CDKL4: variants seen among roughly 807,000 people sequenced by gnomAD.
The protein encoded by CDKL4 is cyclin-dependent kinase-like 4.
In CDKL4, 44 loss-of-function variants were observed where a neutral mutation model predicts 42.0. That is an observed-to-expected ratio of 1.05 (90% CI 0.82 to 1.35). CDKL4 has a LOEUF of 1.35. Ranked by LOEUF, CDKL4 falls within the 40% of genes most tolerant of loss-of-function variation. CDKL4 has a pLI of 0.00. For missense variants in CDKL4, 393 were observed against 369.9 expected, an observed-to-expected ratio of 1.06 and a Z score of -0.51; for synonymous variants, 120 against 121.6, an observed-to-expected ratio of 0.99 and a Z score of 0.09.
intron 1 of CDKL4, among the ~76,000 whole-genome samples, chr2:39,237,175 C>A (rs1679419211): frequency 6.6e-6 from 1 of 152,094 alleles, no homozygotes; most frequent in African/African-American, 2.4e-5. Flanking sequence ...ATTAGCAAAC[C>A]AAATCTGGAA....
intron 1 of CDKL4, among the ~76,000 whole-genome samples, chr2:39,231,069 G>A (rs189836801): frequency 1.6e-4 from 25 of 152,194 alleles, no homozygotes; most frequent in Admixed American, 7.8e-4. Context: ...AAAATTACCC[G>A]GGTGTGGTGG....
chr2:39,211,766 G>T (rs750374899), intron 4 of CDKL4, among the ~76,000 whole-genome samples: 2 of 151,300 alleles, frequency 1.3e-5, no homozygotes, highest in East Asian at 1.9e-4. Flanking sequence ...ACGTTGACAG[G>T]GAAAATGATA....
chr2:39,220,806 T>C (rs1027974662), intron 3 of CDKL4, among the ~76,000 whole-genome samples: 6 of 150,956 alleles, frequency 4.0e-5, no homozygotes, highest in Non-Finnish European at 8.9e-5. Context: ...AGGATGGTCT[T>C]GAACTCCTGA....
chr2:39,210,607 C>T (rs926837260), intron 4 of CDKL4, among the ~76,000 whole-genome samples: 2 of 152,164 alleles, frequency 1.3e-5, no homozygotes, highest in African/African-American at 2.4e-5. Context: ...ACAGACATTG[C>T]ATTCAAGCTT....
chr2:39,174,776 G>C (rs1273374347), downstream of CDKL4, among the ~76,000 whole-genome samples: 1 of 152,070 alleles, frequency 6.6e-6, no homozygotes, highest in Non-Finnish European at 1.5e-5. Flanking sequence ...TTTTATATGA[G>C]TTCCTTGTTA....
chr2:39,176,186 T>C (rs980025818), intron 9 of CDKL4, 90 bp from the exon 10 acceptor site: 4 of 382,610 alleles, frequency 1.0e-5, no homozygotes, highest in African/African-American at 2.1e-5. Flanking sequence ...GACAAGCAGA[T>C]ACTTATGGTA....
chr2:39,208,808 A>G (rs1304064115), intron 4 of CDKL4, among the ~76,000 whole-genome samples: 1 of 150,882 alleles, frequency 6.6e-6, no homozygotes, highest in Non-Finnish European at 1.5e-5. Flanking sequence ...CTTGCACACC[A>G]GAAATTGCTT....
At chr2:39,213,418 A>C in exon 4 of CDKL4, 3 of 1,605,028 alleles carry the variant, frequency 1.9e-6, no homozygotes, top group Non-Finnish European at 2.6e-6. Context: ...TATGACAGAA[A>C]TTAAGAGCTT....
At chr2:39,234,559 C>T (rs1192197276) in intron 1 of CDKL4, among the ~76,000 whole-genome samples, 1 of 151,932 alleles carries the variant, frequency 6.6e-6, no homozygotes, top group African/African-American at 2.4e-5. Context: ...AATAATAATC[C>T]AATAAAATTT....
At chr2:39,234,880 AT>A (rs200961261) in intron 1 of CDKL4, among the ~76,000 whole-genome samples, 1,705 of 151,290 alleles carry the variant, frequency 0.011, 38 homozygotes, top group African/African-American at 0.04. Context: ...ATAGATAAAC[AT>A]TTAAAAAAAA....
chr2:39,226,456 T>TTATATATATTATATATATAA (rs1678739138), intron 2 of CDKL4, among the ~76,000 whole-genome samples: 17 of 137,420 alleles, frequency 1.2e-4, no homozygotes, highest in Non-Finnish European at 2.1e-4. Context: ...TATATATATA[T>TTATATATATTATATATATAA]TATATATATT....
intron 5 of CDKL4, among the ~76,000 whole-genome samples, chr2:39,192,884 G>A (rs548592346): frequency 6.6e-6 from 1 of 152,050 alleles, no homozygotes; most frequent in Non-Finnish European, 1.5e-5. Context: ...CCAGCACTTT[G>A]GGAGGCAAAG....
At chr2:39,198,260 TA>T (rs55994878) in intron 5 of CDKL4, among the ~76,000 whole-genome samples, 26 of 146,626 alleles carry the variant, frequency 1.8e-4, no homozygotes, top group South Asian at 8.6e-4. Flanking sequence ...TATATAATGA[TA>T]AAAAAAAAAA....
intron 5 of CDKL4, among the ~76,000 whole-genome samples, chr2:39,197,039 C>A (rs1676561445): frequency 6.6e-6 from 1 of 151,874 alleles, no homozygotes; most frequent in Admixed American, 6.6e-5. Flanking sequence ...CAAGGAGGCA[C>A]CAGAGAAAGA....
chr2:39,182,847 T>C (rs909385412), intron 8 of CDKL4, among the ~76,000 whole-genome samples: 2 of 152,208 alleles, frequency 1.3e-5, no homozygotes, highest in South Asian at 2.1e-4. Flanking sequence ...AGACCTGCCA[T>C]AGATTGGCTA....
intron 7 of CDKL4, among the ~76,000 whole-genome samples, chr2:39,185,334 G>GTATATATACA (rs1553381119): frequency 5.6e-5 from 4 of 70,908 alleles, no homozygotes; most frequent in African/African-American, 3.1e-4. Flanking sequence ...ATACACATAT[G>GTATATATACA]TATATATATA....
intron 2 of CDKL4, among the ~76,000 whole-genome samples, chr2:39,227,431 G>C (rs918759270): frequency 1.3e-5 from 2 of 152,160 alleles, no homozygotes; most frequent in Admixed American, 1.3e-4. Context: ...CTAAAACTGT[G>C]TGCCTGCTGC....
At chr2:39,179,062 C>T (rs939628158) in intron 9 of CDKL4, 125 bp downstream of exon 9, 2 of 1,505,776 alleles carry the variant, frequency 1.3e-6, no homozygotes, top group Non-Finnish European at 1.8e-6. Flanking sequence ...TTAAGCTAGA[C>T]AAATACAACT....
At chr2:39,177,039 A>G (rs1444004276) in intron 9 of CDKL4, among the ~76,000 whole-genome samples, 2 of 152,074 alleles carry the variant, frequency 1.3e-5, no homozygotes, top group African/African-American at 4.8e-5. Flanking sequence ...GCAGAGGTGG[A>G]TAGAATGCAG....
Sources: gnomAD v4.1 joint callset for allele counts (sites outside exome capture counted in the v4.1 genomes callset) on GRCh38, gnomAD v4.1.1 for gene constraint, MANE v1.5 for transcripts, NCBI Gene and HGNC (gene_info 2026-07-23, HGNC 2026-07-21) for gene names.